USP42: variants seen among roughly 807,000 people sequenced by gnomAD.
USP42 encodes ubiquitin specific peptidase 42.
USP42 carries 23 observed loss-of-function variants against 113.0 expected under a neutral mutation model. The observed-to-expected ratio is 0.20, with a 90% CI of 0.15 to 0.29. The LOEUF (loss-of-function observed/expected upper bound fraction) is 0.29, where lower values mean the gene tolerates loss of function less well. USP42 is among the 10% of genes least tolerant of loss of function. The pLI is 1.00. For synonymous variants in USP42, 933 were observed against 699.0 expected (o/e 1.33, Z -5.28); for missense variants, 2,174 against 1,779.8 (o/e 1.22, Z -3.99).
the USP42 span, among the ~76,000 whole-genome samples, chr7:6,091,327 C>T: frequency 6.6e-6 from 1 of 150,772 alleles, no homozygotes; most frequent in African/African-American, 2.5e-5. Flanking sequence ...TGGTCTCAAG[C>T]GATCCTCCCA....
chr7:6,144,069 TTC>T lies in USP42; in HGVS notation c.879-14_879-13del, dbSNP rs774315768. The T allele has an allele frequency of 8.7e-6, 13 of 1,495,660 alleles. No homozygotes were observed. The highest frequency in any genetic ancestry group is 7.4e-5 in the Admixed American group (3 of 40,636). The allele number at this position is 1,495,660 out of a possible 1,614,324, so 92.6% of individuals were successfully genotyped here. On this transcript the variant is annotated splice_polypyrimidine_tract_variant and intron_variant, in intron 8 of 17. Transcript: ENST00000306177. ...TATATTCGTCTTCTTATACTTTTGT[TTC>T]TGTTTGTTTCAAGGTGTAAAAAGAT...
intron 4 of USP42, 25 bp downstream of exon 4, chr7:6,135,976 A>G (rs1373842464): frequency 1.6e-6 from 2 of 1,237,072 alleles, no homozygotes; most frequent in East Asian, 2.7e-5. Context: ...TTGTAGTTTT[A>G]TATTTGTATT....
At chr7:6,111,478 A>ACTCAGGTGG in intron 2 of USP42, 104 bp downstream of exon 2, 8 of 1,387,848 alleles carry the variant, frequency 5.8e-6, no homozygotes, top group Non-Finnish European at 6.8e-6. Context: ...GCGTGAGGCC[A>ACTCAGGTGG]CCTGAGTGGC....
rs1199388965 is a variant in USP42, at chr7:6,154,232, C to T, written c.2678C>T (p.Pro893Leu). The change falls in exon 15 of 18, where the codon CCC (proline) becomes CTC (leucine). Residue 893 changes from proline to leucine, a missense_variant. Pro to Leu is a moderately conservative substitution (Grantham distance 98, BLOSUM62 -3). Coordinates refer to ENST00000306177, the MANE Select transcript of USP42 (RefSeq NM_032172.3). ...AQDPSQSLGA[P>L]EAAERPPAPV... ...GACCCATCCCAGAGCTTGGGCGCAC[C>T]CGAGGCCGCAGAGCGGCCGCCAGCT... 3.7e-6 allele frequency: 6 copies of T among 1,606,304 alleles called. No individual in the cohort carries two copies. Among genetic ancestry groups the T allele is most frequent in the African/African-American group, 1.3e-5 (1 of 74,874 alleles).
Position 6,156,864 on chromosome 7 carries a change from T to C in USP42, c.3752T>C (p.Val1251Ala). 1.2e-6 allele frequency: 2 copies of C among 1,611,870 alleles called. No individual in the cohort carries two copies. Among genetic ancestry groups the C allele is most frequent in the Admixed American group, 1.7e-5 (1 of 59,298 alleles). The change falls in exon 16 of 18, where the codon GTT (valine) becomes GCT (alanine). Residue 1251 changes from valine to alanine, a missense_variant. Transcript: ENST00000306177. ...CATTCAAGAAAATCAGAGGACTTTG[T>C]TAAAGATTCAGAACTGCACTTACCC... is the stretch of plus-strand genomic sequence containing the variant. ...KRHSRKSEDF[V>A]KDSELHLPRV...
intron 15 of USP42, 48 bp from the exon 16 acceptor site, chr7:6,156,706 G>C: frequency 6.7e-7 from 1 of 1,492,216 alleles, no homozygotes; most frequent in Non-Finnish European, 8.9e-7. Flanking sequence ...GTCTGCTGCT[G>C]GTGGTTTTGT....
upstream of USP42, among the ~76,000 whole-genome samples, chr7:6,104,581 G>A (rs1397593136): frequency 6.6e-6 from 1 of 152,328 alleles, no homozygotes. Flanking sequence ...CGCAGGACGA[G>A]GCGAAAGCCC....
At chr7:6,138,786 C>A (rs1781294754) in intron 4 of USP42, among the ~76,000 whole-genome samples, 2 of 152,154 alleles carry the variant, frequency 1.3e-5, no homozygotes. Flanking sequence ...TTCCATGCTC[C>A]TTAGGAGAAT....
At chr7:6,088,169 A>G in the USP42 span, among the ~76,000 whole-genome samples, 2 of 151,260 alleles carry the variant, frequency 1.3e-5, no homozygotes, top group Non-Finnish European at 2.9e-5. Context: ...GTACTGAGCT[A>G]TGATTGCTCC....
At position 6,132,398 on chromosome 7, in the gene USP42, C is replaced by T. The variant is rs181016419; in HGVS notation, c.443-3443C>T. 5.0e-4 allele frequency among the ~76,000 whole-genome samples: 76 copies of T among 151,118 alleles called. No individual in the cohort carries two copies. The East Asian group carries it at 0.014, about 29-fold the overall frequency. On this transcript the variant is annotated intron_variant, in intron 3 of 17. Coordinates refer to ENST00000306177, the MANE Select transcript of USP42 (RefSeq NM_032172.3). ...TTTGAGACTGAGTTTCACTCCGTGG[C>T]CCAGGCTGGAGTGCAGTGTTGCGAT...
At chr7:6,137,574 C>A (rs922695675) in intron 4 of USP42, among the ~76,000 whole-genome samples, 3 of 152,158 alleles carry the variant, frequency 2.0e-5, no homozygotes, top group African/African-American at 7.2e-5. Context: ...GCCAGGCTGG[C>A]CTTGAACTCC....
chr7:6,141,872 A>AT (rs1256287927), intron 7 of USP42, among the ~76,000 whole-genome samples: 1 of 152,178 alleles, frequency 6.6e-6, no homozygotes, highest in Non-Finnish European at 1.5e-5. Context: ...TAACAGTTTG[A>AT]TATGTACTGC....
chr7:6,099,814 T>TA, the USP42 span, among the ~76,000 whole-genome samples: 5 of 150,732 alleles, frequency 3.3e-5, no homozygotes, highest in Admixed American at 3.3e-4. Flanking sequence ...AATACAAAAA[T>TA]TATCTGGGCA....
chr7:6,099,715 C>T, the USP42 span, among the ~76,000 whole-genome samples: 1 of 150,192 alleles, frequency 6.7e-6, no homozygotes, highest in South Asian at 2.1e-4. Context: ...GTAATCCCAG[C>T]ATTTTGGGAG....
At chr7:6,104,885 G>C (rs958003597), upstream of USP42, 1 of 146,984 alleles carries the variant, frequency 6.8e-6, no homozygotes, top group African/African-American at 2.5e-5. Flanking sequence ...GCGGCCCGGA[G>C]GGGCGCGGCG....
chr7:6,126,374 T>C (rs1562819780), intron 3 of USP42, among the ~76,000 whole-genome samples: 1 of 151,706 alleles, frequency 6.6e-6, no homozygotes, highest in Non-Finnish European at 1.5e-5. Context: ...AGGCTTCGCC[T>C]CCTGGCTTCA....
In USP42 at chr7:6,154,832, A is replaced by C. The variant is rs760603796; in HGVS notation, c.3278A>C (p.His1093Pro). The C allele has an allele frequency of 6.8e-5, 104 of 1,540,066 alleles. No homozygotes were observed. The highest frequency in any genetic ancestry group is 7.7e-5 in the Non-Finnish European group (88 of 1,141,010). ...HERAGLHERP[H>P]KDHNRGRRGC... ...CGGGCCGGGCTGCACGAGCGGCCGC[A>C]CAAGGACCACAACCGGGGCCGTAGG... The change falls in exon 15 of 18, where the codon CAC (histidine) becomes CCC (proline). Residue 1093 changes from histidine (H) to proline (P), a missense_variant. By Grantham distance (77) the His-to-Pro change is moderately conservative. Coordinates refer to ENST00000306177, the MANE Select transcript of USP42 (RefSeq NM_032172.3).
At chr7:6,102,802 G>C (rs1259094807), upstream of USP42, among the ~76,000 whole-genome samples, 2 of 151,036 alleles carry the variant, frequency 1.3e-5, no homozygotes, top group Non-Finnish European at 2.9e-5. Flanking sequence ...AAGGAATTTA[G>C]ACTTTGCTGT....
chr7:6,090,799 AAC>A, the USP42 span, among the ~76,000 whole-genome samples: 5 of 144,956 alleles, frequency 3.4e-5, 1 homozygote, highest in African/African-American at 1.3e-4. Flanking sequence ...TAATATATAT[AAC>A]ATATAGTTAT....
Sources: allele counts gnomAD v4.1 joint callset (sites outside exome capture counted in the v4.1 genomes callset), GRCh38; gene constraint gnomAD v4.1.1; transcripts MANE v1.5; gene names NCBI Gene and HGNC (gene_info 2026-07-23, HGNC 2026-07-21).